DMD: variants seen among roughly 807,000 people sequenced by gnomAD.
DMD encodes the protein dystrophin.
Under a neutral mutation model 330.1 loss-of-function variants are expected in DMD, and 63 were observed. The ratio of observed to expected loss-of-function variants is 0.19; its 90% CI spans 0.16 to 0.24. DMD has a LOEUF of 0.24. DMD is among the 10% of genes least tolerant of loss of function. The pLI is 1.00. For synonymous variants in DMD, 1,223 were observed against 959.8 expected, an observed-to-expected ratio of 1.27 and a Z score of -5.07; for missense variants, 3,344 against 2,684.1, an observed-to-expected ratio of 1.25 and a Z score of -5.43.
At position 31,253,257 on chromosome X, in the gene DMD, G is replaced by C. The variant is rs2049590314; in HGVS notation, c.9286+7698C>G. On this transcript the variant is annotated intron_variant, in intron 63 of 78. Transcript: ENST00000357033. ...CATCTGAATCTAGCTATCCTTTCCA[G>C]TTCAAAGCGTTATGGCAGTAAAAAG... Among the ~76,000 whole-genome samples the C allele has an allele frequency of 3.6e-5, 4 of 112,381 alleles. No individual in the cohort carries two copies. In the South Asian group the frequency reaches 1.5e-3, roughly 42 times the overall value.
Position 32,849,613 on chromosome X carries a change from GC to G in DMD, c.186+114del, listed in dbSNP as rs1217593680. The stretch of plus-strand genomic sequence containing the variant: ...GTTGCTTTACTAAGGAATAGGTATT[GC>G]TGTTTCAATCAGTACCTAGTCATTC... On this transcript the variant is annotated intron_variant, in intron 3 of 78. Transcript: ENST00000357033. 9.0e-6 allele frequency: 5 copies of G among 557,150 alleles called. No individual in the cohort carries two copies. In the African/African-American group the frequency reaches 1.1e-4, roughly 13 times the overall value. 45.9% of individuals were successfully genotyped at this position (557,150 alleles called of 1,213,427 possible).
intron 1 of DMD, among the ~76,000 whole-genome samples, chrX:33,042,439 C>T (rs1190266348): frequency 8.9e-6 from 1 of 112,339 alleles, no homozygotes; most frequent in African/African-American, 3.2e-5. Context: ...AGAGGGGCAT[C>T]AATAGATTTT....
At chrX:32,160,836 A>G (rs2096846941) in intron 44 of DMD, among the ~76,000 whole-genome samples, 1 of 111,975 alleles carries the variant, frequency 8.9e-6, no homozygotes, top group Non-Finnish European at 1.9e-5. Flanking sequence ...AATGAACAAC[A>G]TAAGATGTAC....
intron 61 of DMD, 112 bp from the exon 62 acceptor site, chrX:31,323,770 C>T (rs2056585660): frequency 2.3e-5 from 16 of 694,889 alleles, no homozygotes; most frequent in Non-Finnish European, 3.6e-5. Flanking sequence ...GGTCTGTTTG[C>T]TCAGCTGCCC....
At chrX:31,727,748 T>C (rs1040218847) in intron 52 of DMD, among the ~76,000 whole-genome samples, 1 of 112,349 alleles carries the variant, frequency 8.9e-6, no homozygotes, top group African/African-American at 3.2e-5. Context: ...TACATTAGCA[T>C]ACATCCACAT....
chrX:31,293,266 GATA>G (rs377682907), intron 62 of DMD, among the ~76,000 whole-genome samples: 1 of 102,102 alleles, frequency 9.8e-6, no homozygotes, highest in Non-Finnish European at 2.0e-5. Context: ...TAGGGCTACT[GATA>G]ATGTTTTATT....
At chrX:31,557,715 GT>G (rs2074931403) in intron 55 of DMD, among the ~76,000 whole-genome samples, 1 of 112,025 alleles carries the variant, frequency 8.9e-6, no homozygotes, top group Non-Finnish European at 1.9e-5. Flanking sequence ...CAGTGTCTTG[GT>G]TGCCAAAGGA....
At chrX:32,642,482 T>C (rs1169188137) in intron 11 of DMD, among the ~76,000 whole-genome samples, 1 of 112,131 alleles carries the variant, frequency 8.9e-6, no homozygotes, top group Non-Finnish European at 1.9e-5. Flanking sequence ...AGCATTTCCA[T>C]TCTCTAGTGG....
rs368962720 is a variant in DMD, at chrX:32,798,992, C to A, written c.649+10501G>T. Among the ~76,000 whole-genome samples the A allele has an allele frequency of 6.3e-5, 7 of 111,225 alleles. No homozygotes were observed. In the South Asian group the frequency reaches 2.6e-3, roughly 42 times the overall value. ...AAAGTTAAAACAGCCCTTGTTCAGC[C>A]AATTGATATCAAACCCAACATAAGA... On this transcript the variant is annotated intron_variant, in intron 7 of 78. Coordinates refer to ENST00000357033, the MANE Select transcript of DMD (RefSeq NM_004006.3).
chrX:31,179,811 C>T (rs1228200506), intron 69 of DMD, among the ~76,000 whole-genome samples: 1 of 111,988 alleles, frequency 8.9e-6, no homozygotes, highest in Non-Finnish European at 1.9e-5. Context: ...TATTTAACCT[C>T]AGGACCTCAG....
At chrX:32,454,516 C>T in intron 26 of DMD, 146 bp downstream of exon 26, 1 of 470,892 alleles carries the variant, frequency 2.1e-6, no homozygotes, top group Non-Finnish European at 3.5e-6. Context: ...AAACTTGAAG[C>T]TAAATTAAAA....
chrX:31,440,597 C>T (rs893032209), intron 60 of DMD, among the ~76,000 whole-genome samples: 3 of 112,066 alleles, frequency 2.7e-5, no homozygotes, highest in South Asian at 3.7e-4. Context: ...TTCTAAGCCT[C>T]GGTTTCCTTA....
chrX:31,483,040 CTTTTTTTTTTTTT>C (rs375059694), intron 57 of DMD, among the ~76,000 whole-genome samples: 4 of 70,738 alleles, frequency 5.7e-5, no homozygotes, highest in African/African-American at 2.1e-4. Context: ...GGAAATGGAT[CTTTTTTTTTTTTT>C]TTTTTTTTTT....
chrX:32,270,434 G>A (rs139530932), intron 43 of DMD, among the ~76,000 whole-genome samples: 1,816 of 111,651 alleles, frequency 0.016, 9 homozygotes, highest in Admixed American at 0.027. Flanking sequence ...TATCAAAAAT[G>A]TTTAATTAAT....
intron 47 of DMD, among the ~76,000 whole-genome samples, chrX:31,887,398 G>A (rs5971603): frequency 0.28 from 30,470 of 109,441 alleles, 3,212 homozygotes; most frequent in East Asian, 0.51. Context: ...TCTTTAGCCT[G>A]CCTTTATCTA....
chrX:31,603,332 T>C (rs781326213), intron 55 of DMD, among the ~76,000 whole-genome samples: 1 of 111,318 alleles, frequency 9.0e-6, no homozygotes, highest in Non-Finnish European at 1.9e-5. Flanking sequence ...TGAAATGTGG[T>C]TTATAATCAA....
At chrX:32,667,026 T>C (rs898306151) in intron 9 of DMD, among the ~76,000 whole-genome samples, 1 of 107,599 alleles carries the variant, frequency 9.3e-6, no homozygotes, top group Non-Finnish European at 1.9e-5. Flanking sequence ...AACGTTTAAG[T>C]ATCCATGGAT....
intron 61 of DMD, among the ~76,000 whole-genome samples, chrX:31,337,549 T>C (rs752955555): frequency 8.9e-6 from 1 of 112,551 alleles, no homozygotes; most frequent in East Asian, 2.8e-4. Flanking sequence ...ACGAAAGTAA[T>C]GATTCTTGCC....
chrX:31,574,150 T>TG (rs1467563791), intron 55 of DMD, among the ~76,000 whole-genome samples: 1 of 100,047 alleles, frequency 1.0e-5, no homozygotes. Context: ...TTTTTTGTTT[T>TG]TTTTTTTTTT....
Sources: allele counts gnomAD v4.1 joint callset (sites outside exome capture counted in the v4.1 genomes callset), GRCh38; gene constraint gnomAD v4.1.1; transcripts MANE v1.5; gene names NCBI Gene and HGNC (gene_info 2026-07-23, HGNC 2026-07-21).